CKAP2L: variants seen among roughly 807,000 people sequenced by gnomAD.
CKAP2L encodes the protein cytoskeleton-associated protein 2-like.
CKAP2L carries 42 observed loss-of-function variants against 65.7 expected under a neutral mutation model. That is an observed-to-expected ratio of 0.64 (90% confidence interval 0.50 to 0.83). The LOEUF (loss-of-function observed/expected upper bound fraction) is 0.83, where lower values mean the gene tolerates loss of function less well. CKAP2L is among the 40% of genes least tolerant of loss of function. The probability of loss-of-function intolerance (pLI) is 0.00; values close to 1 mark genes in which losing one functional copy is unlikely to be tolerated. For missense variants in CKAP2L, 908 were observed against 871.0 expected (o/e 1.04, Z -0.53); for synonymous variants, 325 against 313.5 (o/e 1.04, Z -0.39).
intron 5 of CKAP2L, among the ~76,000 whole-genome samples, chr2:112,748,152 A>G (rs1680259907): frequency 6.6e-6 from 1 of 152,254 alleles, no homozygotes; most frequent in Non-Finnish European, 1.5e-5. Flanking sequence ...GTAGAAGAAG[A>G]ATTTCAAGAA....
At chr2:112,763,614 A>T (rs568122212) in intron 1 of CKAP2L, 12 of 152,356 alleles carry the variant, frequency 7.9e-5, no homozygotes, top group African/African-American at 2.9e-4. Flanking sequence ...GGTAGGGCAT[A>T]AATGAGGGGA....
chr2:112,755,473 T>TTTGAACTGACTGCTCCTGC (rs1394210914), intron 4 of CKAP2L, among the ~76,000 whole-genome samples: 3 of 152,108 alleles, frequency 2.0e-5, no homozygotes, highest in Non-Finnish European at 1.5e-5. Flanking sequence ...GAACTCTGTA[T>TTTGAACTGACTGCTCCTGC]TTGAACTGAC....
intron 5 of CKAP2L, among the ~76,000 whole-genome samples, chr2:112,750,738 T>C (rs1475639654): frequency 1.3e-5 from 2 of 150,766 alleles, no homozygotes; most frequent in Non-Finnish European, 2.9e-5. Flanking sequence ...ATCTGAGGGA[T>C]ATGACCAAAG....
At chr2:112,747,097 CTT>C (rs11365193) in intron 5 of CKAP2L, among the ~76,000 whole-genome samples, 4 of 145,616 alleles carry the variant, frequency 2.7e-5, no homozygotes, top group South Asian at 2.2e-4. Context: ...CTTAATTTTT[CTT>C]TTTTTTTTTG....
Position 112,756,269 on chromosome 2 carries a change from C to A in CKAP2L, c.1102G>T (p.Val368Leu), listed in dbSNP as rs766256804. The change falls in exon 4 of 9, where the codon GTA (valine) becomes TTA (leucine). Residue 368 changes from valine (V) to leucine (L), a missense_variant. Val to Leu is a conservative substitution (Grantham distance 32, BLOSUM62 1). Transcript: ENST00000302450. ...SQVCIPQTSC[V>L]LQKSKAISQR... ...CTTATGGCTTTTGACTTTTGCAGTA[C>A]ACATGATGTCTGAGGTATACAAACT... is the stretch of plus-strand genomic sequence containing the variant. 2 of 1,614,122 alleles carry A rather than the reference C, an allele frequency of 1.2e-6. No individual in the cohort carries two copies. Among genetic ancestry groups the A allele is most frequent in the South Asian group, 2.2e-5 (2 of 91,074 alleles).
intron 6 of CKAP2L, 88 bp downstream of exon 6, chr2:112,746,332 A>C (rs890743487): frequency 1.5e-5 from 17 of 1,139,784 alleles, no homozygotes; most frequent in Non-Finnish European, 1.6e-5. Context: ...TGATGTTGCA[A>C]ACTTCTAACC....
In CKAP2L at chr2:112,738,778, T is replaced by C; in HGVS notation, c.*45A>G. On this transcript the variant is annotated 3_prime_UTR_variant, in exon 9 of 9. Coordinates refer to ENST00000302450, the MANE Select transcript of CKAP2L (RefSeq NM_152515.5). ...CACTTGGACAAGAATATTTCTTGTC[T>C]TATGTTGGTTCTGAAACACCTTTTT... 2 of 1,292,432 alleles carry C rather than the reference T, an allele frequency of 1.5e-6. No individual in the cohort carries two copies. Among genetic ancestry groups the C allele is most frequent in the Non-Finnish European group, 1.1e-6 (1 of 890,060 alleles). The allele number at this position is 1,292,432 out of a possible 1,614,324, so 80.1% of individuals were successfully genotyped here.
intron 4 of CKAP2L, among the ~76,000 whole-genome samples, chr2:112,755,496 AG>A (rs1030737501): frequency 1.4e-4 from 22 of 152,088 alleles, no homozygotes; most frequent in African/African-American, 5.3e-4. Flanking sequence ...CTCCTGCTTG[AG>A]CTTACTGGCC....
intron 5 of CKAP2L, among the ~76,000 whole-genome samples, chr2:112,746,928 C>T (rs1680219592): frequency 6.6e-6 from 1 of 152,012 alleles, no homozygotes; most frequent in Non-Finnish European, 1.5e-5. Context: ...GCTGGGACTA[C>T]AGGCACATGC....
intron 5 of CKAP2L, among the ~76,000 whole-genome samples, chr2:112,749,838 C>T (rs1270752248): frequency 1.3e-5 from 2 of 152,162 alleles, no homozygotes; most frequent in African/African-American, 2.4e-5. Context: ...CTGCTCAGCT[C>T]TGCCAGCAGG....
intron 2 of CKAP2L, among the ~76,000 whole-genome samples, chr2:112,762,018 G>A (rs767677913): frequency 2.0e-5 from 3 of 152,148 alleles, no homozygotes; most frequent in Non-Finnish European, 4.4e-5. Context: ...ATCTACAAAG[G>A]ATAAAAATGA....
intron 6 of CKAP2L, among the ~76,000 whole-genome samples, chr2:112,744,767 T>G (rs1410253408): frequency 6.6e-6 from 1 of 152,128 alleles, no homozygotes; most frequent in African/African-American, 2.4e-5. Context: ...TTGAGGGTTT[T>G]CTAACTAGTC....
chr2:112,760,932 T>C (rs536514040), intron 2 of CKAP2L, among the ~76,000 whole-genome samples, 168 bp from the exon 3 acceptor site: 1 of 152,210 alleles, frequency 6.6e-6, no homozygotes, highest in South Asian at 2.1e-4. Flanking sequence ...ATCATTTCTT[T>C]AGTTCTGTAT....
In CKAP2L at chr2:112,756,105, C is replaced by G; in HGVS notation, c.1266G>C (p.Leu422Phe). ...QQKAQTLDSK[L>F]KKAVPQNHFL... is the part of the protein sequence containing the mutation. ...AATGGTTCTGGGGAACAGCCTTTTT[C>G]AACTTGGAGTCCAAAGTCTGTGCTT... The change falls in exon 4 of 9, where the codon TTG (leucine) becomes TTC (phenylalanine). Residue 422 changes from leucine (L) to phenylalanine (F), a missense_variant. By Grantham distance (22) the Leu-to-Phe change is conservative. Transcript: ENST00000302450. 1 of 1,614,064 alleles carries G rather than the reference C, an allele frequency of 6.2e-7. No homozygotes were observed. Among genetic ancestry groups the G allele is most frequent in the Non-Finnish European group, 8.5e-7 (1 of 1,180,010 alleles).
rs1680533287 is a variant in CKAP2L, at chr2:112,756,337, T to C, written c.1034A>G (p.Asn345Ser). 1 of 1,613,540 alleles carries C rather than the reference T, an allele frequency of 6.2e-7. No homozygotes were observed. The highest frequency in any genetic ancestry group is 8.5e-7 in the Non-Finnish European group (1 of 1,179,780). The change falls in exon 4 of 9, where the codon AAC becomes AGC. Residue 345 changes from asparagine to serine, a missense_variant. Transcript: ENST00000302450. ...TYPSLLQGEY[N>S]NRHPNIKQDQ... ...TTGCTTGATGTTTGGATGTCTGTTG[T>C]TATATTCACCCTGAAGCAAACTGGG...
At chr2:112,742,422 C>A in intron 7 of CKAP2L, 1 of 717,590 alleles carries the variant, frequency 1.4e-6, no homozygotes. Flanking sequence ...TCTCTTCCAG[C>A]AAAGAGCTGT....
In CKAP2L at chr2:112,746,472, C is replaced by A. The variant is rs1680204080; in HGVS notation, c.1706G>T (p.Gly569Val). 1 of 1,613,152 alleles carries A rather than the reference C, an allele frequency of 6.2e-7. No individual in the cohort carries two copies. The highest frequency in any genetic ancestry group is 8.5e-7 in the Non-Finnish European group (1 of 1,179,312). Residue 569 changes from glycine (G) to valine (V), a missense_variant, in exon 6 of 9, where the codon GGC (glycine) becomes GTC (valine). Transcript: ENST00000302450. Reference sequence around the variant, plus strand: ...ATATAGCCCAATAACATCAAAGGTGCCTTTACTTGCCAACAACTTTGCTTT... The same window carrying A: ...ATATAGCCCAATAACATCAAAGGTGACTTTACTTGCCAACAACTTTGCTTT... ...ICKAKLLASK[G>V]TFDVIGLYEE...
intron 7 of CKAP2L, among the ~76,000 whole-genome samples, chr2:112,742,086 A>AGC: frequency 6.6e-6 from 1 of 152,068 alleles, no homozygotes; most frequent in African/African-American, 2.4e-5. Context: ...TACCGTATGC[A>AGC]GCCTAAATCT....
In CKAP2L at chr2:112,756,560, C is replaced by G. The variant is rs1165347587; in HGVS notation, c.811G>C (p.Gly271Arg). ...LSRGADLARP[G>R]VKPSRTVPSH... ...GGAACCGTCCTTGAGGGTTTTACTC[C>G]TGGTCTTGCAAGATCTGCTCCTCTA... The change falls in exon 4 of 9, where the codon GGA (glycine) becomes CGA (arginine). Residue 271 changes from glycine (G) to arginine (R), a missense_variant. Physicochemically the swap from Gly to Arg is moderately radical, Grantham distance 125. Transcript: ENST00000302450. 1.9e-6 allele frequency: 3 copies of G among 1,611,970 alleles called. No homozygotes were observed. The highest frequency in any genetic ancestry group is 1.7e-4 in the Middle Eastern group (1 of 6,048).
Sources: allele counts gnomAD v4.1 joint callset (sites outside exome capture counted in the v4.1 genomes callset), GRCh38; gene constraint gnomAD v4.1.1; transcripts MANE v1.5; gene names NCBI Gene and HGNC (gene_info 2026-07-23, HGNC 2026-07-21).